The following PKNOX2 variants were observed in gnomAD, a reference collection of about 807,000 sequenced individuals.
PKNOX2 encodes the protein homeobox protein PKNOX2.
A neutral mutation model predicts 53.1 loss-of-function variants in PKNOX2; 14 were observed. The ratio of observed to expected loss-of-function variants is 0.26; its 90% CI spans 0.17 to 0.41. The LOEUF is 0.41. Ranked by LOEUF, PKNOX2 falls within the 10% of genes least tolerant of loss-of-function variation. The pLI is 1.00. For missense variants in PKNOX2, 496 were observed against 602.8 expected (o/e 0.82, Z 1.85); for synonymous variants, 257 against 242.8 (o/e 1.06, Z -0.54).
At chr11:125,222,644 C>T (rs909588373) in intron 1 of PKNOX2, among the ~76,000 whole-genome samples, 9 of 129,750 alleles carry the variant, frequency 6.9e-5, no homozygotes, top group African/African-American at 1.8e-4. Context: ...TATGTGTGTG[C>T]GTATGTGTGT....
At chr11:125,386,317 A>G (rs1192309122) in intron 6 of PKNOX2, among the ~76,000 whole-genome samples, 1 of 152,184 alleles carries the variant, frequency 6.6e-6, no homozygotes, top group Non-Finnish European at 1.5e-5. Flanking sequence ...CCGCCTGGGA[A>G]TTGTGATTCA....
At position 125,410,328 on chromosome 11, in the gene PKNOX2, C is replaced by T. The variant is rs200689427; in HGVS notation, c.718+3C>T. On this transcript the variant is annotated splice_donor_region_variant and intron_variant, in intron 8 of 12. Transcript: ENST00000298282. ...CGTCAACTCACAAGTTGTGTCAGGT[C>T]GGTGCAAAGACTGGGAAGGGTGATT... is the stretch of plus-strand genomic sequence containing the variant. 840 of 1,613,838 alleles carry T rather than the reference C, an allele frequency of 5.2e-4. 2 individuals carry two copies. The highest frequency in any genetic ancestry group is 6.3e-4 in the Non-Finnish European group (738 of 1,179,946).
intron 1 of PKNOX2, among the ~76,000 whole-genome samples, chr11:125,218,805 A>C (rs1940829445): frequency 1.3e-5 from 2 of 152,196 alleles, no homozygotes; most frequent in Non-Finnish European, 2.9e-5. Context: ...AAAGGCTTAA[A>C]GAGTGAGGCA....
chr11:125,231,169 C>T (rs1207447583), intron 1 of PKNOX2, among the ~76,000 whole-genome samples: 2 of 152,162 alleles, frequency 1.3e-5, no homozygotes, highest in Non-Finnish European at 2.9e-5. Context: ...GTCTGGCTGA[C>T]CCCCCGGTCT....
Position 125,346,214 on chromosome 11 carries a change from G to A in PKNOX2, c.-22-5070G>A, listed in dbSNP as rs951199866. Reference sequence around the variant, plus strand: ...GGGGGTGGAGGGGTAACCTGGGGGCGTCTGGGCTGAAGGGATTGACAGCTC... The same window carrying A: ...GGGGGTGGAGGGGTAACCTGGGGGCATCTGGGCTGAAGGGATTGACAGCTC... On this transcript the variant is annotated intron_variant, in intron 3 of 12. Coordinates refer to ENST00000298282, the MANE Select transcript of PKNOX2 (RefSeq NM_001382323.2). 5.3e-5 allele frequency among the ~76,000 whole-genome samples: 8 copies of A among 152,166 alleles called. No homozygotes were observed. The South Asian group carries it at 1.2e-3, about 24-fold the overall frequency.
chr11:125,309,015 C>T (rs77868442), intron 2 of PKNOX2, among the ~76,000 whole-genome samples: 5,956 of 152,236 alleles, frequency 0.039, 389 homozygotes, highest in African/African-American at 0.13. Context: ...TACCAATGTT[C>T]CTCTTATGGA....
intron 1 of PKNOX2, among the ~76,000 whole-genome samples, chr11:125,222,644 C>CTGTGTATGTGTGT (rs1565472865): frequency 1.5e-5 from 2 of 129,764 alleles, no homozygotes; most frequent in African/African-American, 3.0e-5. Flanking sequence ...TATGTGTGTG[C>CTGTGTATGTGTGT]GTATGTGTGT....
chr11:125,299,114 G>T (rs1947858183), intron 2 of PKNOX2, among the ~76,000 whole-genome samples: 1 of 152,110 alleles, frequency 6.6e-6, no homozygotes, highest in Non-Finnish European at 1.5e-5. Context: ...ATGTCACCTG[G>T]CAAGAGCAGG....
At chr11:125,396,957 T>C (rs1954445835) in intron 6 of PKNOX2, among the ~76,000 whole-genome samples, 1 of 152,222 alleles carries the variant, frequency 6.6e-6, no homozygotes, top group African/African-American at 2.4e-5. Flanking sequence ...TTATTGAAAC[T>C]ATGTTAAAAT....
At chr11:125,259,895 G>A (rs1944704881) in intron 2 of PKNOX2, among the ~76,000 whole-genome samples, 1 of 146,824 alleles carries the variant, frequency 6.8e-6, no homozygotes, top group Non-Finnish European at 1.5e-5. Context: ...TTTTTTTAAA[G>A]AGACAGGGCC....
At chr11:125,351,725 G>T (rs1409025261) in intron 4 of PKNOX2, among the ~76,000 whole-genome samples, 2 of 152,050 alleles carry the variant, frequency 1.3e-5, no homozygotes, top group Admixed American at 6.6e-5. Context: ...TCCACAGTGG[G>T]GGAGACCCAG....
chr11:125,203,747 C>A (rs893973), intron 1 of PKNOX2, among the ~76,000 whole-genome samples: 33,528 of 152,094 alleles, frequency 0.22, 3,929 homozygotes, highest in African/African-American at 0.31. Context: ...GCCTGGAGTC[C>A]TGGGTGCTTT....
intron 1 of PKNOX2, among the ~76,000 whole-genome samples, chr11:125,168,776 G>A (rs894235146): frequency 1.3e-5 from 2 of 152,242 alleles, no homozygotes; most frequent in Non-Finnish European, 2.9e-5. Flanking sequence ...AACAGCAGCA[G>A]AGCAGGGGAA....
chr11:125,228,691 T>C (rs534926539), intron 1 of PKNOX2, among the ~76,000 whole-genome samples: 1 of 152,284 alleles, frequency 6.6e-6, no homozygotes, highest in Non-Finnish European at 1.5e-5. Context: ...GCAATCTGCA[T>C]AGAGAGAAAA....
chr11:125,179,517 C>T (rs1956034030), intron 1 of PKNOX2, among the ~76,000 whole-genome samples: 1 of 152,150 alleles, frequency 6.6e-6, no homozygotes, highest in East Asian at 1.9e-4. Context: ...TTGAAGGCCC[C>T]CCGGCAGGGA....
chr11:125,375,595 G>A (rs1203860036), intron 5 of PKNOX2, among the ~76,000 whole-genome samples: 1 of 152,338 alleles, frequency 6.6e-6, no homozygotes, highest in South Asian at 2.1e-4. Flanking sequence ...TGAGAAGCCC[G>A]TTGGGGTATC....
chr11:125,179,631 G>A (rs2135264563), intron 1 of PKNOX2, among the ~76,000 whole-genome samples: 1 of 152,216 alleles, frequency 6.6e-6, no homozygotes, highest in South Asian at 2.1e-4. Flanking sequence ...GCTTGCGAGA[G>A]AACCCCTGGA....
At position 125,352,990 on chromosome 11, in the gene PKNOX2, GAAGT is replaced by G. The variant is rs965128076; in HGVS notation, c.87+1599_87+1602del. On this transcript the variant is annotated intron_variant, in intron 4 of 12. Coordinates refer to ENST00000298282, the MANE Select transcript of PKNOX2 (RefSeq NM_001382323.2). This position sits in a 1 kb window ranked among gnomAD's most constrained non-coding sequence, Gnocchi z 4.1. ...TGGGAACCTTTTGCCTCCCAAGAAA[GAAGT>G]GAGAGAAGAAGCTAGGGGCCAGAAT... 2.0e-5 allele frequency among the ~76,000 whole-genome samples: 3 copies of G among 152,158 alleles called. No individual in the cohort carries two copies. The highest frequency in any genetic ancestry group is 4.4e-5 in the Non-Finnish European group (3 of 68,030).
At chr11:125,343,960 G>T (rs573831679) in intron 3 of PKNOX2, among the ~76,000 whole-genome samples, 5 of 152,362 alleles carry the variant, frequency 3.3e-5, no homozygotes, top group African/African-American at 9.6e-5. Flanking sequence ...GGACGGTGGG[G>T]CTCCTCTCTG....
Sources: gnomAD v4.1 joint callset for allele counts (sites outside exome capture counted in the v4.1 genomes callset) on GRCh38, gnomAD v4.1.1 for gene constraint, Gnocchi (gnomAD v3.1) non-coding constraint, MANE v1.5 for transcripts, NCBI Gene and HGNC (gene_info 2026-07-23, HGNC 2026-07-21) for gene names.